GFM2: variants seen among roughly 807,000 people sequenced by gnomAD.
GFM2 encodes the protein ribosome-releasing factor 2, mitochondrial.
Under a neutral mutation model 95.4 loss-of-function variants are expected in GFM2, and 72 were observed. The ratio of observed to expected loss-of-function variants is 0.76; its 90% CI spans 0.62 to 0.92. The LOEUF is 0.92. GFM2 is among the 40% of genes least tolerant of loss of function. GFM2 has a pLI of 0.00. For missense variants in GFM2, 825 were observed against 924.1 expected (o/e 0.89, Z 1.39); for synonymous variants, 276 against 317.5 (o/e 0.87, Z 1.39).
At chr5:74,746,660 AT>A (rs1434549211) in intron 8 of GFM2, among the ~76,000 whole-genome samples, 2 of 152,178 alleles carry the variant, frequency 1.3e-5, no homozygotes, top group African/African-American at 2.4e-5. Flanking sequence ...CTGGCTACCT[AT>A]AGAACACATG....
chr5:74,766,287 G>A (rs982989353), intron 1 of GFM2, among the ~76,000 whole-genome samples: 2 of 152,242 alleles, frequency 1.3e-5, no homozygotes, highest in African/African-American at 4.8e-5. Context: ...CTGGGCGACT[G>A]GGCGAGATGC....
intron 18 of GFM2, 49 bp from the exon 19 acceptor site, chr5:74,725,804 G>A: frequency 6.8e-7 from 1 of 1,479,718 alleles, no homozygotes; most frequent in Non-Finnish European, 9.4e-7. Context: ...TGTGAAGTGA[G>A]AAGTAACTGA....
In GFM2 at chr5:74,763,870, AC is replaced by A. The variant is rs1315271186; in HGVS notation, c.-24-105del. 7.0e-6 allele frequency: 4 copies of A among 567,546 alleles called. No homozygotes were observed. The African/African-American group carries it at 7.5e-5, about 11-fold the overall frequency. 35.2% of individuals were successfully genotyped at this position (567,546 alleles called of 1,614,324 possible). A position where few individuals can be genotyped will look rare whatever the true frequency, so the allele number is the denominator to read the frequency against. ...TGTAATATGTATGGTAAAATGTATT[AC>A]TTTTAAAAAGTTGGAACAATATTTT... On this transcript the variant is annotated intron_variant, in intron 1 of 20. Transcript: ENST00000296805.
rs369168318 is a variant in GFM2, at chr5:74,726,047, A to T, written c.1806T>A (p.Ser602=). The change falls in exon 18 of 21, where the codon TCT becomes TCA. Residue 602 remains serine, a synonymous_variant. Transcript: ENST00000296805. ...ACTCAAACTCAATCACAGGCATAACAGATGATGTTTCAATTGGCCTTGCTT... is the reference window on the plus strand; with the variant it reads ...ACTCAAACTCAATCACAGGCATAACTGATGATGTTTCAATTGGCCTTGCTT... ...EVEARPIETS[S]VMPVIEFEYA... is the part of the protein sequence containing the mutation. The T allele has an allele frequency of 6.8e-6, 11 of 1,613,526 alleles. No individual in the cohort carries two copies. The highest frequency in any genetic ancestry group is 9.3e-6 in the Non-Finnish European group (11 of 1,179,788).
At chr5:74,748,580 T>C (rs1472016452) in intron 7 of GFM2, among the ~76,000 whole-genome samples, 2 of 152,126 alleles carry the variant, frequency 1.3e-5, no homozygotes, top group African/African-American at 2.4e-5. Context: ...TTGGCTTTCC[T>C]ATCCACCAGT....
intron 5 of GFM2, 32 bp downstream of exon 5, chr5:74,758,817 G>C (rs761421561): frequency 1.8e-5 from 24 of 1,307,540 alleles, no homozygotes; most frequent in African/African-American, 4.4e-5. Context: ...TTTGCTAATG[G>C]GGGGGTGGGA....
chr5:74,722,402 A>T lies in GFM2; in HGVS notation c.2188T>A (p.Phe730Ile). 1 of 1,613,796 alleles carries T rather than the reference A, an allele frequency of 6.2e-7. No individual in the cohort carries two copies. Among genetic ancestry groups the T allele is most frequent in the Non-Finnish European group, 8.5e-7 (1 of 1,179,860 alleles). Residue 730 changes from phenylalanine to isoleucine, a missense_variant, in exon 20 of 21, where the codon TTT becomes ATT. Transcript: ENST00000296805. The part of the protein sequence containing the change: ...TRQDNKVVIG[F>I]VPLAEIMGYS... ...ACCATAATTTCTGCTAAGGGAACAA[A>T]TCCAATAACAACTTTGTTGTCCTGG...
chr5:74,759,528 C>A (rs954268924), intron 3 of GFM2, 102 bp from the exon 4 acceptor site: 10 of 604,006 alleles, frequency 1.7e-5, no homozygotes, highest in Non-Finnish European at 2.9e-5. Context: ...TACTGTAAGT[C>A]CAAATAAAGT....
chr5:74,757,731 TAAAAA>T (rs35313753), intron 5 of GFM2, among the ~76,000 whole-genome samples: 18,463 of 89,148 alleles, frequency 0.21, 1,924 homozygotes, highest in African/African-American at 0.36. Flanking sequence ...CCTATGTCTC[TAAAAA>T]AAAAAAAAAA....
intron 19 of GFM2, 65 bp downstream of exon 19, chr5:74,725,575 A>C (rs965183105): frequency 1.9e-6 from 2 of 1,069,534 alleles, no homozygotes; most frequent in African/African-American, 3.1e-5. Context: ...AGCTGTCTGC[A>C]AGATCAGTGG....
rs547864680 is a variant in GFM2, at chr5:74,757,702, C to T, written c.304+1147G>A. On this transcript the variant is annotated intron_variant, in intron 5 of 20. Coordinates refer to ENST00000296805, the MANE Select transcript of GFM2 (RefSeq NM_032380.5). Reference sequence around the variant, plus strand: ...TGTGACTGGGCCACTGCACTCCAGCCTGGGCAACAGAGCAAGAGCCTATGT... The same window carrying T: ...TGTGACTGGGCCACTGCACTCCAGCTTGGGCAACAGAGCAAGAGCCTATGT... Among the ~76,000 whole-genome samples, 3 of 143,970 alleles carry T rather than the reference C, an allele frequency of 2.1e-5. No homozygotes were observed. The East Asian group carries it at 6.1e-4, about 29-fold the overall frequency. 94.4% of individuals were successfully genotyped at this position (143,970 alleles called of 152,430 possible).
At chr5:74,731,939 G>C (rs1415286320) in intron 16 of GFM2, among the ~76,000 whole-genome samples, 1 of 150,440 alleles carries the variant, frequency 6.6e-6, no homozygotes, top group Admixed American at 6.6e-5. Flanking sequence ...CGTAGTGCCA[G>C]TTTTTATTTT....
At chr5:74,739,456 C>T (rs1743003138) in intron 12 of GFM2, among the ~76,000 whole-genome samples, 1 of 152,148 alleles carries the variant, frequency 6.6e-6, no homozygotes, top group Admixed American at 6.6e-5. Flanking sequence ...CTGTGCTCTT[C>T]ACCATCATGC....
chr5:74,728,617 T>G (rs1025166010), intron 17 of GFM2, among the ~76,000 whole-genome samples: 1 of 152,156 alleles, frequency 6.6e-6, no homozygotes, highest in Non-Finnish European at 1.5e-5. Flanking sequence ...CATCTCATAA[T>G]TCCAATAACT....
At chr5:74,733,868 G>T (rs1561241054) in intron 15 of GFM2, among the ~76,000 whole-genome samples, 1 of 152,116 alleles carries the variant, frequency 6.6e-6, no homozygotes, top group Non-Finnish European at 1.5e-5. Context: ...ACTCTATGAT[G>T]AATTATCACA....
At position 74,737,880 on chromosome 5, in the gene GFM2, T is replaced by C. The variant is rs191580162; in HGVS notation, c.1320+438A>G. Among the ~76,000 whole-genome samples the C allele has an allele frequency of 6.2e-4, 95 of 152,226 alleles. 1 individual carries two copies. Among genetic ancestry groups the C allele is most frequent in the African/African-American group, 2.2e-3 (90 of 41,560 alleles). ...ACACTGATCTATGGACTGTAGGGCA[T>C]TGAACAAAAAAGACAAAAATCCTTG... is the stretch of plus-strand genomic sequence containing the variant. On this transcript the variant is annotated intron_variant, in intron 14 of 20. Transcript: ENST00000296805.
rs3058458 is a variant in GFM2 at position 74,726,280 on chromosome 5, CAGAG to C, written c.1727-158_1727-155del. 0.16 allele frequency among the ~76,000 whole-genome samples: 24,222 copies of C among 151,840 alleles called. 2,301 individuals are homozygous for C. Among genetic ancestry groups the C allele is most frequent in the African/African-American group, 0.27 (11,213 of 41,334 alleles). The stretch of plus-strand genomic sequence containing the variant: ...ATGGCACTAAATACAGTATAAAAAT[CAGAG>C]TAAAGAGCTCTACCAACAAAGCATC... On this transcript the variant is annotated intron_variant, in intron 17 of 20. Coordinates refer to ENST00000296805, the MANE Select transcript of GFM2 (RefSeq NM_032380.5).
At chr5:74,727,730 T>C (rs1750212511) in intron 17 of GFM2, among the ~76,000 whole-genome samples, 1 of 152,202 alleles carries the variant, frequency 6.6e-6, no homozygotes, top group Admixed American at 6.5e-5. Context: ...TAGCATGATA[T>C]TCCATTATCC....
intron 9 of GFM2, 57 bp from the exon 10 acceptor site, chr5:74,745,914 G>T: frequency 1.4e-6 from 2 of 1,389,568 alleles, no homozygotes; most frequent in Non-Finnish European, 1.0e-6. Context: ...AAACTACAAT[G>T]ATGACAAGTC....
Sources: allele counts gnomAD v4.1 joint callset (sites outside exome capture counted in the v4.1 genomes callset), GRCh38; gene constraint gnomAD v4.1.1; transcripts MANE v1.5; gene names NCBI Gene and HGNC (gene_info 2026-07-23, HGNC 2026-07-21).